MAST2: variants seen among roughly 807,000 people sequenced by gnomAD.
The protein encoded by MAST2 is microtubule associated serine/threonine kinase 2, also known as microtubule-associated serine/threonine-protein kinase 2.
Under a neutral mutation model 147.4 loss-of-function variants are expected in MAST2, and 70 were observed. The observed-to-expected ratio is 0.47, with a 90% CI of 0.39 to 0.58. MAST2 has a LOEUF of 0.58. Ranked by LOEUF, MAST2 falls within the 20% of genes least tolerant of loss-of-function variation. The pLI is 0.00. For missense variants in MAST2, 2,080 were observed against 2,302.3 expected, an observed-to-expected ratio of 0.90 and a Z score of 1.98; for synonymous variants, 869 against 896.8, an observed-to-expected ratio of 0.97 and a Z score of 0.55.
intron 5 of MAST2, among the ~76,000 whole-genome samples, chr1:45,979,253 G>A (rs932435630): frequency 7.2e-5 from 11 of 152,138 alleles, no homozygotes; most frequent in Non-Finnish European, 1.3e-4. Context: ...TAGTTAAACT[G>A]TATAAATGAA....
chr1:46,030,123 G>T lies in MAST2; in HGVS notation c.2444-6G>T, dbSNP rs377265981. On this transcript the variant is annotated splice_polypyrimidine_tract_variant and splice_region_variant and intron_variant, in intron 20 of 28. Coordinates refer to ENST00000361297, the MANE Select transcript of MAST2 (RefSeq NM_015112.3). ...TGAAGGAAAGTGTCCTTTATGTCTG[G>T]CCCAGCCCGCTCAGAGCGATACCAC... 1.2e-6 allele frequency: 2 copies of T among 1,613,850 alleles called. No homozygotes were observed. The highest frequency in any genetic ancestry group is 1.7e-6 in the Non-Finnish European group (2 of 1,179,836).
intron 4 of MAST2, among the ~76,000 whole-genome samples, chr1:45,939,135 T>C (rs1656750988): frequency 6.6e-6 from 1 of 152,170 alleles, no homozygotes; most frequent in Admixed American, 6.6e-5. Context: ...TCCATTTTCT[T>C]CCAGAAGTTT....
intron 3 of MAST2, among the ~76,000 whole-genome samples, chr1:45,844,324 A>T (rs1645364494): frequency 1.3e-5 from 2 of 149,072 alleles, no homozygotes; most frequent in African/African-American, 5.0e-5. Flanking sequence ...ACAGAGTTTC[A>T]CTCTTGCTGC....
intron 3 of MAST2, among the ~76,000 whole-genome samples, chr1:45,841,239 G>A (rs1570324901): frequency 6.6e-6 from 1 of 151,932 alleles, no homozygotes; most frequent in Admixed American, 6.6e-5. Flanking sequence ...GAATTACAGG[G>A]GTGAGCCACC....
chr1:45,915,424 T>C (rs556485064), intron 4 of MAST2, among the ~76,000 whole-genome samples: 2 of 152,292 alleles, frequency 1.3e-5, no homozygotes, highest in South Asian at 4.1e-4. Flanking sequence ...AAAATGAAAT[T>C]TGCCGGCCAG....
chr1:45,814,054 T>G (rs1644380376), intron 1 of MAST2, among the ~76,000 whole-genome samples: 1 of 152,240 alleles, frequency 6.6e-6, no homozygotes, highest in Non-Finnish European at 1.5e-5. Context: ...GTAATGCCTG[T>G]GTAAAACCTA....
At chr1:45,816,539 C>T (rs1372805281) in intron 1 of MAST2, among the ~76,000 whole-genome samples, 1 of 151,976 alleles carries the variant, frequency 6.6e-6, no homozygotes. Flanking sequence ...ATCAGAATCC[C>T]CTAAGGTAAC....
At chr1:45,880,926 C>G (rs940374029) in intron 3 of MAST2, among the ~76,000 whole-genome samples, 1 of 139,728 alleles carries the variant, frequency 7.2e-6, no homozygotes, top group African/African-American at 2.8e-5. Context: ...TGCAGTGAAC[C>G]GAGATCGGCC....
At chr1:45,975,687 A>G (rs1310158132) in intron 5 of MAST2, among the ~76,000 whole-genome samples, 1 of 151,414 alleles carries the variant, frequency 6.6e-6, no homozygotes, top group African/African-American at 2.4e-5. Flanking sequence ...AAAAAAAAAA[A>G]AAAAACACAG....
chr1:46,034,107 AAGCAAG>A lies in MAST2; in HGVS notation c.3710_3715del (p.Lys1237_Ala1239delinsThr), dbSNP rs759448623. On this transcript the variant is annotated inframe_deletion, in exon 28 of 29. Coordinates refer to ENST00000361297, the MANE Select transcript of MAST2 (RefSeq NM_015112.3). ...GAGCTCCCTGTTCCGCAAGATCACC[AAGCAAG>A]CATCCCTGCTCCACACCAGCCGCAG... 1.1e-5 allele frequency: 17 copies of A among 1,613,690 alleles called. No individual in the cohort carries two copies. The highest frequency in any genetic ancestry group is 1.3e-5 in the Non-Finnish European group (15 of 1,179,856).
intron 1 of MAST2, among the ~76,000 whole-genome samples, chr1:45,819,900 T>G (rs1228750041): frequency 6.6e-6 from 1 of 152,024 alleles, no homozygotes. Flanking sequence ...ATCTTCAACA[T>G]AAAGAAGAAA....
At chr1:45,981,846 C>CCTT (rs751303994) in intron 5 of MAST2, among the ~76,000 whole-genome samples, 2 of 141,166 alleles carry the variant, frequency 1.4e-5, no homozygotes, top group African/African-American at 2.6e-5. Flanking sequence ...GTAATTTTGG[C>CCTT]TTTTTTTTTT....
At chr1:45,856,786 T>G (rs1210565106) in intron 3 of MAST2, among the ~76,000 whole-genome samples, 3 of 151,370 alleles carry the variant, frequency 2.0e-5, no homozygotes, top group Non-Finnish European at 4.4e-5. Context: ...CCTTTAGATC[T>G]GTTTTTTTTT....
intron 5 of MAST2, among the ~76,000 whole-genome samples, chr1:45,978,393 G>A (rs1236496308): frequency 6.6e-6 from 1 of 152,146 alleles, no homozygotes; most frequent in Non-Finnish European, 1.5e-5. Flanking sequence ...GCGCACACCT[G>A]TAATCCCAGC....
chr1:45,922,729 C>G (rs1332579961), intron 4 of MAST2, among the ~76,000 whole-genome samples: 6 of 152,144 alleles, frequency 3.9e-5, no homozygotes, highest in African/African-American at 1.2e-4. Flanking sequence ...GTGGCTGCAC[C>G]TGGGGGGCTC....
intron 5 of MAST2, among the ~76,000 whole-genome samples, chr1:45,990,673 A>G (rs1644823483): frequency 6.6e-6 from 1 of 152,086 alleles, no homozygotes; most frequent in South Asian, 2.1e-4. Context: ...TTTTGTAGAG[A>G]CAAGATCTCC....
chr1:46,021,826 G>A lies in MAST2; in HGVS notation c.1291-124G>A, dbSNP rs765505046. On this transcript the variant is annotated intron_variant, in intron 11 of 28. Coordinates refer to ENST00000361297, the MANE Select transcript of MAST2 (RefSeq NM_015112.3). ...TCATGTTGTTTCTGAATATTCAGGG[G>A]TGGGAGTGTCCTATCACAGAGAAAG... 344 of 864,858 alleles carry A rather than the reference G, an allele frequency of 4.0e-4. 3 individuals carry two copies. In the Middle Eastern group the frequency reaches 0.01, roughly 26 times the overall value. 53.6% of individuals were successfully genotyped at this position (864,858 alleles called of 1,614,324 possible).
At chr1:45,961,974 A>G (rs1229786449) in intron 5 of MAST2, among the ~76,000 whole-genome samples, 1 of 129,462 alleles carries the variant, frequency 7.7e-6, no homozygotes, top group Non-Finnish European at 1.6e-5. Flanking sequence ...TCCTGTGTCC[A>G]GTGTTCTCAT....
intron 15 of MAST2, 68 bp from the exon 16 acceptor site, chr1:46,025,609 A>C: frequency 6.3e-7 from 1 of 1,598,132 alleles, no homozygotes; most frequent in East Asian, 2.2e-5. Flanking sequence ...AGAAACTGCC[A>C]GATGGGAGCT....
Sources: allele counts gnomAD v4.1 joint callset (sites outside exome capture counted in the v4.1 genomes callset), GRCh38; gene constraint gnomAD v4.1.1; transcripts MANE v1.5; gene names NCBI Gene and HGNC (gene_info 2026-07-23, HGNC 2026-07-21).